Variants in MCTP2 observed in about 807,000 individuals in gnomAD.
MCTP2 encodes multiple C2 and transmembrane domain containing 2.
A neutral mutation model predicts 111.6 loss-of-function variants in MCTP2; 132 were observed. That is an observed-to-expected ratio of 1.18 (90% confidence interval 1.03 to 1.37). The LOEUF is 1.37. Among genes scored for constraint, MCTP2 ranks in the 40% most tolerant of loss-of-function variants. MCTP2 has a pLI of 0.00. For synonymous variants in MCTP2, 395 were observed against 387.7 expected (o/e 1.02, Z -0.22); for missense variants, 1,183 against 1,067.9 (o/e 1.11, Z -1.50).
chr15:94,343,934 TA>T (rs1199867411), intron 7 of MCTP2: 2 of 152,196 alleles, frequency 1.3e-5, no homozygotes, highest in African/African-American at 4.8e-5. Context: ...TTATCTTGTG[TA>T]ATTGTTAAAA....
At chr15:94,302,435 GA>G (rs1370297027) in intron 2 of MCTP2, among the ~76,000 whole-genome samples, 2 of 152,200 alleles carry the variant, frequency 1.3e-5, no homozygotes, top group Non-Finnish European at 2.9e-5. Flanking sequence ...AAGTAAGCAT[GA>G]GGGGCAAGGA....
At chr15:94,429,198 C>G (rs575496110) in intron 17 of MCTP2, among the ~76,000 whole-genome samples, 10 of 151,782 alleles carry the variant, frequency 6.6e-5, no homozygotes, top group Non-Finnish European at 8.8e-5. Context: ...TGAATTGTTG[C>G]TAAGACCAAC....
chr15:94,349,656 TA>T (rs760995813), intron 8 of MCTP2, among the ~76,000 whole-genome samples: 80 of 151,698 alleles, frequency 5.3e-4, no homozygotes, highest in Non-Finnish European at 4.4e-4. Flanking sequence ...CCGTCTCTAC[TA>T]AAAATACAAA....
In MCTP2 at chr15:94,370,170, A is replaced by G. The variant is rs2152437803; in HGVS notation, c.1572A>G (p.Ala524=). 1 of 1,611,080 alleles carries G rather than the reference A, an allele frequency of 6.2e-7. No homozygotes were observed. The highest frequency in any genetic ancestry group is 8.5e-7 in the Non-Finnish European group (1 of 1,178,530). Residue 524 remains alanine (A), a synonymous_variant, in exon 12 of 23, where the codon GCA becomes GCG. Transcript: ENST00000357742. The stretch of plus-strand genomic sequence containing the variant: ...TAAAGGCAGCAGATCTCTTAGCGGC[A>G]GATTTCTCAGGTACAGGACATTTTC... ...KVLKAADLLA[A]DFSGKSDPFC... is the part of the protein sequence containing the mutation.
intron 17 of MCTP2, among the ~76,000 whole-genome samples, chr15:94,435,233 G>A (rs928591701): frequency 6.6e-6 from 1 of 152,104 alleles, no homozygotes; most frequent in South Asian, 2.1e-4. Context: ...TGAATCTGTA[G>A]GTCAATTTGT....
At chr15:94,340,639 A>G (rs528471362) in intron 6 of MCTP2, among the ~76,000 whole-genome samples, 174 bp from the exon 7 acceptor site, 1 of 152,282 alleles carries the variant, frequency 6.6e-6, no homozygotes, top group African/African-American at 2.4e-5. Flanking sequence ...AATGCCAAAC[A>G]GTTTCTCTAC....
chr15:94,258,968 A>G (rs1360793296), intron 1 of MCTP2, among the ~76,000 whole-genome samples: 1 of 152,256 alleles, frequency 6.6e-6, no homozygotes, highest in South Asian at 2.1e-4. Flanking sequence ...TACATGTACT[A>G]TGGTGCTGAT....
chr15:94,431,001 G>A (rs1416431278), intron 17 of MCTP2, among the ~76,000 whole-genome samples: 1 of 151,956 alleles, frequency 6.6e-6, no homozygotes, highest in Non-Finnish European at 1.5e-5. Flanking sequence ...TTCTCATGGT[G>A]GATCCTTTTA....
In MCTP2 at chr15:94,476,759, ACTTCCTCT is replaced by A. The variant is rs767777228; in HGVS notation, c.2537_2544del (p.Phe846Ter). ...TCCATCGACAATAATGAGCTACTAG[ACTTCCTCT>A]CTAGGGTACCGTCTGATGTTCAAAA... is the stretch of plus-strand genomic sequence containing the variant. On this transcript the variant is annotated frameshift_variant, in exon 22 of 23. Transcript: ENST00000357742. LOFTEE classifies it high-confidence loss of function. 1.6e-5 allele frequency: 26 copies of A among 1,608,594 alleles called. No individual in the cohort carries two copies. Among genetic ancestry groups the A allele is most frequent in the Non-Finnish European group, 2.1e-5 (25 of 1,175,248 alleles).
At position 94,481,372 on chromosome 15, in the gene MCTP2, CT is replaced by C. The variant is rs890066709; in HGVS notation, c.*2347del. Reference sequence around the variant, plus strand: ...GGGCTTGGAATTTCTCGGTCATCCTCTTTTTTTTTGTTCCTCGTGCTGTTGT... The same window carrying C: ...GGGCTTGGAATTTCTCGGTCATCCTCTTTTTTTTGTTCCTCGTGCTGTTGT... On this transcript the variant is annotated 3_prime_UTR_variant, in exon 23 of 23. Transcript: ENST00000357742. The C allele has an allele frequency of 6.6e-5, 10 of 151,844 alleles. No homozygotes were observed. The highest frequency in any genetic ancestry group is 7.4e-5 in the Non-Finnish European group (5 of 67,990). The allele number at this position is 151,844 out of a possible 1,614,324, so 9.4% of individuals were successfully genotyped here. A position where few individuals can be genotyped will look rare whatever the true frequency, so the allele number is the denominator to read the frequency against.
At chr15:94,316,013 G>C (rs1596337652) in intron 4 of MCTP2, among the ~76,000 whole-genome samples, 1 of 152,168 alleles carries the variant, frequency 6.6e-6, no homozygotes, top group East Asian at 1.9e-4. Flanking sequence ...TGTACACATT[G>C]ACAGAAATGC....
intron 12 of MCTP2, among the ~76,000 whole-genome samples, chr15:94,375,849 A>G (rs2079743111): frequency 6.6e-6 from 1 of 152,220 alleles, no homozygotes. Flanking sequence ...CCAGGAGAAT[A>G]AAGATACATT....
intron 1 of MCTP2, chr15:94,278,340 A>G (rs1448184287): frequency 2.6e-5 from 4 of 152,006 alleles, no homozygotes; most frequent in Admixed American, 2.6e-4. Context: ...ACCTATGGAA[A>G]CTCTGTACCT....
At chr15:94,434,644 A>G (rs2083368350) in intron 17 of MCTP2, among the ~76,000 whole-genome samples, 1 of 152,086 alleles carries the variant, frequency 6.6e-6, no homozygotes, top group Non-Finnish European at 1.5e-5. Context: ...ATTGAATTAC[A>G]TTGGCAACTT....
At chr15:94,362,582 C>T (rs923505679) in intron 10 of MCTP2, among the ~76,000 whole-genome samples, 3 of 152,188 alleles carry the variant, frequency 2.0e-5, no homozygotes, top group African/African-American at 7.2e-5. Context: ...CGTTGATCTG[C>T]TTTTACAGCC....
intron 19 of MCTP2, among the ~76,000 whole-genome samples, chr15:94,456,550 T>C (rs139883654): frequency 6.6e-5 from 10 of 152,356 alleles, no homozygotes; most frequent in Admixed American, 5.2e-4. Context: ...TGCCCATTAA[T>C]AGATGTCGGT....
At chr15:94,411,829 A>G (rs182167337) in intron 17 of MCTP2, among the ~76,000 whole-genome samples, 37 of 152,170 alleles carry the variant, frequency 2.4e-4, no homozygotes, top group Non-Finnish European at 4.4e-4. Flanking sequence ...CACAGTGTTT[A>G]CTGACTGTTC....
At chr15:94,354,176 C>G (rs939821722) in intron 8 of MCTP2, among the ~76,000 whole-genome samples, 3 of 152,004 alleles carry the variant, frequency 2.0e-5, no homozygotes, top group Non-Finnish European at 4.4e-5. Flanking sequence ...ATAGTTCTTT[C>G]TTTTTAAAAT....
At chr15:94,379,714 TATATA>T (rs2079994141) in intron 12 of MCTP2, among the ~76,000 whole-genome samples, 2 of 147,224 alleles carry the variant, frequency 1.4e-5, no homozygotes, top group African/African-American at 2.5e-5. Flanking sequence ...ATATATATGA[TATATA>T]ATATATAATG....
Sources: allele counts gnomAD v4.1 joint callset (sites outside exome capture counted in the v4.1 genomes callset), GRCh38; gene constraint gnomAD v4.1.1; transcripts MANE v1.5; gene names NCBI Gene and HGNC (gene_info 2026-07-23, HGNC 2026-07-21).